Variants in LRRC4C observed in about 807,000 individuals in gnomAD.
The protein encoded by LRRC4C is leucine-rich repeat-containing protein 4C.
LRRC4C carries 5 observed loss-of-function variants against 33.6 expected under a neutral mutation model. The ratio of observed to expected loss-of-function variants is 0.15; its 90% confidence interval spans 0.08 to 0.31. The LOEUF (loss-of-function observed/expected upper bound fraction) is 0.31, where lower values mean the gene tolerates loss of function less well. LRRC4C is among the 10% of genes least tolerant of loss of function. The probability of loss-of-function intolerance (pLI) is 1.00; values close to 1 mark genes in which losing one functional copy is unlikely to be tolerated. For missense variants in LRRC4C, 560 were observed against 796.7 expected (o/e 0.70, Z 3.58); for synonymous variants, 329 against 302.0 (o/e 1.09, Z -0.93).
Position 41,331,046 on chromosome 11 carries a change from T to C in LRRC4C, c.-496+128385A>G, listed in dbSNP as rs566892125. Among the ~76,000 whole-genome samples, 11 of 152,276 alleles carry C rather than the reference T, an allele frequency of 7.2e-5. No homozygotes were observed. In the South Asian group the frequency reaches 1.0e-3, roughly 14 times the overall value. On this transcript the variant is annotated intron_variant, in intron 1 of 6. Coordinates refer to ENST00000528697, the MANE Select transcript of LRRC4C (RefSeq NM_001258419.2). ...TGGATAAAATCTACTGGGATTATAG[T>C]AGGGAGCCTGGTACTTCCTTAGCTG...
chr11:40,340,275 A>G (rs1590367532), intron 3 of LRRC4C, among the ~76,000 whole-genome samples: 2 of 152,298 alleles, frequency 1.3e-5, no homozygotes, highest in Admixed American at 1.3e-4. Flanking sequence ...ATGGTCAGAA[A>G]CATGAGAAGT....
chr11:41,060,199 G>C (rs1184787088), intron 1 of LRRC4C, among the ~76,000 whole-genome samples: 1 of 152,088 alleles, frequency 6.6e-6, no homozygotes, highest in Non-Finnish European at 1.5e-5. Context: ...TTCTTTTCTG[G>C]GGAGATTGTA....
intron 3 of LRRC4C, among the ~76,000 whole-genome samples, chr11:40,558,773 G>T (rs1957428767): frequency 6.6e-6 from 1 of 152,070 alleles, no homozygotes; most frequent in Non-Finnish European, 1.5e-5. Flanking sequence ...ACGTGTCATG[G>T]GGGTTTGTTA....
intron 2 of LRRC4C, among the ~76,000 whole-genome samples, chr11:40,897,953 A>G (rs1956025154): frequency 6.6e-6 from 1 of 152,078 alleles, no homozygotes; most frequent in African/African-American, 2.4e-5. Context: ...TGTTCCCAAA[A>G]CTGTTTATGC....
At chr11:40,251,301 A>C (rs1365686238) in intron 4 of LRRC4C, among the ~76,000 whole-genome samples, 2 of 152,202 alleles carry the variant, frequency 1.3e-5, no homozygotes, top group African/African-American at 2.4e-5. Flanking sequence ...GTAATTAAAT[A>C]TTAGGACAAT....
At chr11:40,331,296 T>A (rs1946352647) in intron 3 of LRRC4C, among the ~76,000 whole-genome samples, 1 of 152,094 alleles carries the variant, frequency 6.6e-6, no homozygotes, top group African/African-American at 2.4e-5. Context: ...CCAAAGCTAA[T>A]CAAATATAAT....
chr11:40,252,456 T>C (rs904993056), intron 4 of LRRC4C, among the ~76,000 whole-genome samples: 14 of 152,168 alleles, frequency 9.2e-5, no homozygotes, highest in African/African-American at 3.4e-4. Flanking sequence ...TATTTTATAG[T>C]TCTGAGTCAG....
intron 3 of LRRC4C, among the ~76,000 whole-genome samples, chr11:40,475,187 G>C (rs1953148086): frequency 6.6e-6 from 1 of 151,902 alleles, no homozygotes; most frequent in South Asian, 2.1e-4. Context: ...CAATAACAAA[G>C]ACTTGGAACC....
intron 3 of LRRC4C, among the ~76,000 whole-genome samples, chr11:40,329,246 C>T (rs916114116): frequency 6.6e-6 from 1 of 152,190 alleles, no homozygotes; most frequent in African/African-American, 2.4e-5. Context: ...CCTTGTTTTA[C>T]TTGGGCAAGC....
intron 3 of LRRC4C, among the ~76,000 whole-genome samples, chr11:40,498,696 A>T (rs1954593779): frequency 6.6e-6 from 1 of 151,402 alleles, no homozygotes. Flanking sequence ...CCCATGAAAC[A>T]AGTTTTCAGA....
chr11:40,758,985 C>G (rs2137050877), intron 2 of LRRC4C, among the ~76,000 whole-genome samples: 1 of 151,228 alleles, frequency 6.6e-6, no homozygotes, highest in South Asian at 2.1e-4. Flanking sequence ...GTCTCTCCCT[C>G]TTAATTGGAC....
At chr11:40,576,595 G>A (rs1156504925) in intron 3 of LRRC4C, among the ~76,000 whole-genome samples, 4 of 152,128 alleles carry the variant, frequency 2.6e-5, no homozygotes, top group African/African-American at 4.8e-5. Context: ...AAGAAGAAAT[G>A]CCCAAGGAGT....
chr11:40,191,092 A>G (rs1040819413), intron 5 of LRRC4C, among the ~76,000 whole-genome samples: 6 of 152,182 alleles, frequency 3.9e-5, no homozygotes, highest in Non-Finnish European at 5.9e-5. Flanking sequence ...CACACAACAC[A>G]TCAATCAACC....
rs537369302 is a variant in LRRC4C at position 40,743,158 on chromosome 11, A to C, written c.-406-94880T>G. Among the ~76,000 whole-genome samples the C allele has an allele frequency of 2.0e-5, 3 of 152,230 alleles. No homozygotes were observed. The South Asian group carries it at 6.2e-4, about 32-fold the overall frequency. On this transcript the variant is annotated intron_variant, in intron 2 of 6. Transcript: ENST00000528697. Reference sequence around the variant, plus strand: ...TAGGAATATTCCCTGGTATTCAATGAACATGAATTTCTTAGTCAAATCAAT... The same window carrying C: ...TAGGAATATTCCCTGGTATTCAATGCACATGAATTTCTTAGTCAAATCAAT...
At chr11:40,753,138 G>A (rs1948779437) in intron 2 of LRRC4C, among the ~76,000 whole-genome samples, 1 of 151,970 alleles carries the variant, frequency 6.6e-6, no homozygotes, top group Non-Finnish European at 1.5e-5. Context: ...GCTGGGAAGA[G>A]TGTAAGGATG....
chr11:40,492,454 GATTT>G (rs1954208425), intron 3 of LRRC4C, among the ~76,000 whole-genome samples: 1 of 151,806 alleles, frequency 6.6e-6, no homozygotes. Flanking sequence ...TTTCAAGAAT[GATTT>G]GTTTGTATAT....
intron 1 of LRRC4C, among the ~76,000 whole-genome samples, chr11:41,346,659 C>T (rs527820241): frequency 6.6e-6 from 1 of 152,280 alleles, no homozygotes; most frequent in African/African-American, 2.4e-5. Context: ...CAAAATACTG[C>T]AAATGCACTC....
At chr11:41,050,418 AT>A (rs1271579369) in intron 1 of LRRC4C, among the ~76,000 whole-genome samples, 1 of 152,052 alleles carries the variant, frequency 6.6e-6, no homozygotes, top group Non-Finnish European at 1.5e-5. Flanking sequence ...TGCATTAAGT[AT>A]TTGTCCTAAT....
rs1402447615 is a variant in LRRC4C at position 40,585,782 on chromosome 11, T to G, written c.-270+62360A>C. Among the ~76,000 whole-genome samples the G allele has an allele frequency of 5.3e-4, 73 of 138,750 alleles. 11 individuals carry two copies. Among genetic ancestry groups the G allele is most frequent in the Non-Finnish European group, 3.0e-4 (19 of 62,512 alleles). The allele number at this position is 138,750 out of a possible 152,430, so 91.0% of individuals were successfully genotyped here. A position where few individuals can be genotyped will look rare whatever the true frequency, so the allele number is the denominator to read the frequency against. On this transcript the variant is annotated intron_variant, in intron 3 of 6. Transcript: ENST00000528697. ...ATGATGATTTCCAATTTCATCCATG[T>G]CCCTACAAAGGATATGAACTCATCA...
Sources: gnomAD v4.1 joint callset for allele counts (sites outside exome capture counted in the v4.1 genomes callset) on GRCh38, gnomAD v4.1.1 for gene constraint, MANE v1.5 for transcripts, NCBI Gene and HGNC (gene_info 2026-07-23, HGNC 2026-07-21) for gene names.